SPECC1L: variants seen among roughly 807,000 people sequenced by gnomAD.
SPECC1L encodes cytospin-A.
SPECC1L carries 40 observed loss-of-function variants against 116.8 expected under a neutral mutation model. That is an observed-to-expected ratio of 0.34 (90% CI 0.27 to 0.45). The LOEUF (loss-of-function observed/expected upper bound fraction) is 0.45. Among genes scored for constraint, SPECC1L ranks in the 20% least tolerant of loss-of-function variants. The probability of loss-of-function intolerance (pLI) is 1.00; values close to 1 mark genes in which losing one functional copy is unlikely to be tolerated. For missense variants in SPECC1L, 1,110 were observed against 1,373.6 expected (o/e 0.81, Z 3.03); for synonymous variants, 504 against 500.6 (o/e 1.01, Z -0.09).
At chr22:24,390,642 C>T (rs867208969) in intron 14 of SPECC1L, among the ~76,000 whole-genome samples, 9 of 152,026 alleles carry the variant, frequency 5.9e-5, no homozygotes, top group Admixed American at 5.2e-4. Flanking sequence ...GCCAGCCTTG[C>T]GTCCCACCCA....
chr22:24,399,443 G>A (rs1456908499), intron 14 of SPECC1L, among the ~76,000 whole-genome samples: 2 of 152,100 alleles, frequency 1.3e-5, no homozygotes, highest in South Asian at 2.1e-4. Flanking sequence ...GGTGGCGGGC[G>A]CTTGTAGTCC....
chr22:24,323,235 T>TC (rs2040755338), intron 5 of SPECC1L: 1 of 343,400 alleles, frequency 2.9e-6, no homozygotes, highest in African/African-American at 2.2e-5. Flanking sequence ...AAATTTTACC[T>TC]CCCCCCGCCT....
intron 1 of SPECC1L, among the ~76,000 whole-genome samples, chr22:24,273,184 A>G (rs1170492210): frequency 1.3e-5 from 2 of 152,236 alleles, no homozygotes; most frequent in African/African-American, 4.8e-5. Flanking sequence ...GTGGTTCTCT[A>G]TAACTGACTT....
chr22:24,312,462 G>C (rs137965303), intron 3 of SPECC1L, among the ~76,000 whole-genome samples: 15 of 152,324 alleles, frequency 9.8e-5, no homozygotes, highest in African/African-American at 3.6e-4. Context: ...CCAGATAGAA[G>C]ATAGTGTAAA....
At chr22:24,272,084 C>A (rs1013058959) in intron 1 of SPECC1L, among the ~76,000 whole-genome samples, 3 of 152,148 alleles carry the variant, frequency 2.0e-5, no homozygotes, top group African/African-American at 7.2e-5. Flanking sequence ...ATTTTTTCTT[C>A]GTAATTAAAA....
At chr22:24,406,144 C>T (rs1386475017) in intron 14 of SPECC1L, among the ~76,000 whole-genome samples, 1 of 152,212 alleles carries the variant, frequency 6.6e-6, no homozygotes, top group African/African-American at 2.4e-5. Context: ...AATCCGCAGG[C>T]AGATTCACCT....
chr22:24,367,954 T>A (rs1323295823), intron 13 of SPECC1L, among the ~76,000 whole-genome samples: 1 of 152,152 alleles, frequency 6.6e-6, no homozygotes, highest in Non-Finnish European at 1.5e-5. Flanking sequence ...TACACAGCAC[T>A]CCCTTTCTCT....
intron 14 of SPECC1L, among the ~76,000 whole-genome samples, chr22:24,392,638 C>T (rs764608336): frequency 2.0e-5 from 3 of 152,004 alleles, no homozygotes; most frequent in Non-Finnish European, 2.9e-5. Context: ...CAACATAGGG[C>T]GGGAGAGAGA....
intron 11 of SPECC1L, among the ~76,000 whole-genome samples, chr22:24,352,024 GT>G (rs201804492): frequency 5.4e-5 from 8 of 147,916 alleles, no homozygotes; most frequent in African/African-American, 1.2e-4. Flanking sequence ...CTCTACAATA[GT>G]TTTTTTTTTT....
intron 2 of SPECC1L, among the ~76,000 whole-genome samples, chr22:24,290,939 C>G (rs1380649637): frequency 6.6e-6 from 1 of 152,058 alleles, no homozygotes; most frequent in Non-Finnish European, 1.5e-5. Context: ...CATGTTTTAT[C>G]AAATCGATTG....
chr22:24,326,712 A>G (rs760407165), intron 6 of SPECC1L, among the ~76,000 whole-genome samples: 18 of 152,336 alleles, frequency 1.2e-4, no homozygotes, highest in Non-Finnish European at 1.0e-4. Context: ...AAGTTGGTAC[A>G]TATGACACAT....
intron 14 of SPECC1L, among the ~76,000 whole-genome samples, chr22:24,389,071 C>T (rs1416559782): frequency 1.3e-5 from 2 of 150,492 alleles, no homozygotes; most frequent in Non-Finnish European, 2.9e-5. Flanking sequence ...GGTTCTTCCA[C>T]GTGGCATGTG....
rs2042765908 is a variant in SPECC1L, at chr22:24,414,528, T to C, written c.3265-6T>C. Reference sequence around the variant, plus strand: ...GTTCTAACCAAGCGTCTTCCTTGTCTGTCAGGACATTAATGAAATGGTACG... The same window carrying C: ...GTTCTAACCAAGCGTCTTCCTTGTCCGTCAGGACATTAATGAAATGGTACG... On this transcript the variant is annotated splice_polypyrimidine_tract_variant and splice_region_variant and intron_variant, in intron 16 of 16. Transcript: ENST00000314328. The C allele has an allele frequency of 1.2e-6, 2 of 1,613,568 alleles. No individual in the cohort carries two copies. Among genetic ancestry groups the C allele is most frequent in the Non-Finnish European group, 8.5e-7 (1 of 1,179,768 alleles).
chr22:24,346,902 A>G (rs11912244), intron 10 of SPECC1L, among the ~76,000 whole-genome samples, 184 bp from the exon 11 acceptor site: 5,569 of 152,272 alleles, frequency 0.037, 303 homozygotes, highest in South Asian at 0.12. Context: ...CATAATAAAA[A>G]GTCTAATTTT....
chr22:24,357,175 A>G (rs1165744331), intron 11 of SPECC1L, among the ~76,000 whole-genome samples: 2 of 152,124 alleles, frequency 1.3e-5, no homozygotes, highest in African/African-American at 4.8e-5. Context: ...ATCCTAGCCA[A>G]TCTTGCATAT....
chr22:24,406,068 C>T (rs2042585693), intron 14 of SPECC1L, among the ~76,000 whole-genome samples: 1 of 152,082 alleles, frequency 6.6e-6, no homozygotes, highest in Non-Finnish European at 1.5e-5. Flanking sequence ...TCCTCAATTG[C>T]CAAGAACATC....
chr22:24,391,407 A>G (rs2042272451), intron 14 of SPECC1L, among the ~76,000 whole-genome samples: 1 of 152,196 alleles, frequency 6.6e-6, no homozygotes, highest in African/African-American at 2.4e-5. Flanking sequence ...AATTTTAAAA[A>G]TCAGTTGCTT....
intron 14 of SPECC1L, among the ~76,000 whole-genome samples, chr22:24,370,812 A>G (rs2041857416): frequency 1.3e-5 from 2 of 152,208 alleles, no homozygotes; most frequent in Admixed American, 6.5e-5. Flanking sequence ...TAAATGAAAC[A>G]AGCCATATAC....
At chr22:24,403,942 C>T (rs1333322140) in intron 14 of SPECC1L, among the ~76,000 whole-genome samples, 7 of 152,154 alleles carry the variant, frequency 4.6e-5, no homozygotes, top group African/African-American at 1.7e-4. Flanking sequence ...TAGTGAGAGA[C>T]TCCCTCCCTT....
Sources: allele counts gnomAD v4.1 joint callset (sites outside exome capture counted in the v4.1 genomes callset), GRCh38; gene constraint gnomAD v4.1.1; transcripts MANE v1.5; gene names NCBI Gene and HGNC (gene_info 2026-07-23, HGNC 2026-07-21).